The following KCNMA1 variants were observed in gnomAD, a reference collection of about 807,000 sequenced individuals.
KCNMA1 encodes Calcium-activated potassium channel subunit alpha-1.
Under a neutral mutation model 140.0 loss-of-function variants are expected in KCNMA1, and 29 were observed. The ratio of observed to expected loss-of-function variants is 0.21; its 90% CI spans 0.15 to 0.28. The LOEUF (loss-of-function observed/expected upper bound fraction) is 0.28. KCNMA1 is among the 10% of genes least tolerant of loss of function. The pLI, the probability that KCNMA1 is intolerant of heterozygous loss-of-function variation, is 1.00. For synonymous variants in KCNMA1, 612 were observed against 611.9 expected, an observed-to-expected ratio of 1.00 and a Z score of 0.00; for missense variants, 880 against 1,602.2, an observed-to-expected ratio of 0.55 and a Z score of 7.70.
intron 1 of KCNMA1, among the ~76,000 whole-genome samples, chr10:77,474,534 A>G (rs1283682694): frequency 6.6e-6 from 1 of 152,186 alleles, no homozygotes; most frequent in Non-Finnish European, 1.5e-5. Flanking sequence ...GTGAGAAGGT[A>G]ACTGTCGGTT....
chr10:76,930,623 A>G (rs2059023054), intron 23 of KCNMA1, among the ~76,000 whole-genome samples: 1 of 152,194 alleles, frequency 6.6e-6, no homozygotes. Context: ...ACTTCTGGGT[A>G]TATATCCAAC....
At chr10:77,005,075 A>G (rs947168385) in intron 18 of KCNMA1, among the ~76,000 whole-genome samples, 1 of 152,204 alleles carries the variant, frequency 6.6e-6, no homozygotes, top group Non-Finnish European at 1.5e-5. Flanking sequence ...CAATTCTCAG[A>G]CAAGGTTTTC....
chr10:77,547,924 T>C (rs1159837901), intron 1 of KCNMA1, among the ~76,000 whole-genome samples: 1 of 152,120 alleles, frequency 6.6e-6, no homozygotes, highest in Non-Finnish European at 1.5e-5. Flanking sequence ...GCTGATTTCA[T>C]GCTACAAAGG....
intron 3 of KCNMA1, chr10:77,217,696 A>T (rs1336695132): frequency 2.9e-6 from 1 of 342,992 alleles, no homozygotes; most frequent in African/African-American, 2.1e-5. Flanking sequence ...CTTGAAAATT[A>T]TGTGTAGATC....
At chr10:77,571,603 C>G (rs2071363093) in intron 1 of KCNMA1, among the ~76,000 whole-genome samples, 1 of 152,346 alleles carries the variant, frequency 6.6e-6, no homozygotes, top group Admixed American at 6.5e-5. Flanking sequence ...GCTGGACCAC[C>G]TGTCTGTCCC....
Position 77,625,658 on chromosome 10 carries a change from T to C in KCNMA1, c.378+11607A>G, listed in dbSNP as rs11002223. On this transcript the variant is annotated intron_variant, in intron 1 of 27. Transcript: ENST00000286628. The stretch of plus-strand genomic sequence containing the variant: ...GGCTGATGTCCTCGATGTTCATCTA[T>C]GTGGTAGCACGTGTCAGACTTGCCT... 1.7e-3 allele frequency among the ~76,000 whole-genome samples: 256 copies of C among 152,338 alleles called. 7 individuals are homozygous for C. The East Asian group carries it at 0.038, about 23-fold the overall frequency.
chr10:77,038,566 T>C (rs180928511), intron 15 of KCNMA1, among the ~76,000 whole-genome samples: 76 of 152,204 alleles, frequency 5.0e-4, no homozygotes, highest in Middle Eastern at 6.8e-3. Flanking sequence ...ATTTTAGAGA[T>C]ACAATCACTG....
chr10:77,084,605 C>T, intron 12 of KCNMA1, 32 bp downstream of exon 12: 1 of 1,568,670 alleles, frequency 6.4e-7, no homozygotes, highest in Non-Finnish European at 8.8e-7. Context: ...GACTGCCAAG[C>T]CCAGGGCCTT....
intron 27 of KCNMA1, among the ~76,000 whole-genome samples, chr10:76,888,645 T>A (rs942951686): frequency 6.6e-6 from 1 of 152,194 alleles, no homozygotes; most frequent in Non-Finnish European, 1.5e-5. Context: ...ACATCTAAAC[T>A]GTTATTTCTC....
chr10:77,548,350 C>T (rs2061939798), intron 1 of KCNMA1, among the ~76,000 whole-genome samples: 1 of 152,204 alleles, frequency 6.6e-6, no homozygotes, highest in South Asian at 2.1e-4. Context: ...ACGTGGACAA[C>T]GCCTGGTGCA....
intron 14 of KCNMA1, among the ~76,000 whole-genome samples, chr10:77,042,818 T>A (rs1013756350): frequency 2.0e-5 from 3 of 152,232 alleles, no homozygotes; most frequent in Admixed American, 6.5e-5. Context: ...TATTCATGTT[T>A]GTTTTGAATT....
chr10:77,355,397 C>T (rs1409637196), intron 2 of KCNMA1, among the ~76,000 whole-genome samples: 1 of 152,192 alleles, frequency 6.6e-6, no homozygotes, highest in Non-Finnish European at 1.5e-5. Context: ...TCAATGTTCT[C>T]TGTTCCGTGG....
chr10:77,086,744 C>T (rs1424982024), intron 10 of KCNMA1, 151 bp from the exon 11 acceptor site: 3 of 686,830 alleles, frequency 4.4e-6, no homozygotes, highest in Non-Finnish European at 7.8e-6. Flanking sequence ...AAAAGACTCA[C>T]ACTCAAGAGA....
chr10:77,259,114 A>C (rs1340531347), intron 2 of KCNMA1, among the ~76,000 whole-genome samples: 3 of 152,196 alleles, frequency 2.0e-5, no homozygotes, highest in Non-Finnish European at 4.4e-5. Flanking sequence ...ATCACATTTG[A>C]CTTATGGAAG....
chr10:76,886,840 AAACAAC>A lies in KCNMA1; in HGVS notation c.*420_*425del. ...TGTGTATAAAAAAAGAAAGAAAGGA[AAACAAC>A]AACAACAACAAAATCAAAACCCAAA... On this transcript the variant is annotated 3_prime_UTR_variant, in exon 28 of 28. Transcript: ENST00000286628. The A allele has an allele frequency of 1.9e-6, 2 of 1,077,194 alleles. No individual in the cohort carries two copies. The highest frequency in any genetic ancestry group is 2.3e-6 in the Non-Finnish European group (2 of 885,174). 66.7% of individuals were successfully genotyped at this position (1,077,194 alleles called of 1,614,324 possible).
At position 77,214,121 on chromosome 10, in the gene KCNMA1, A is replaced by G. The variant is rs569625914; in HGVS notation, c.603-29205T>C. 1.5e-3 allele frequency among the ~76,000 whole-genome samples: 228 copies of G among 152,232 alleles called. 1 individual carries two copies. Among genetic ancestry groups the G allele is most frequent in the African/African-American group, 5.3e-3 (220 of 41,536 alleles). Reference sequence around the variant, plus strand: ...TGAAAGTTCCTGAATAAAACCACACAAGGGAAATGACTGGTTTCGCTTTAA... The same window carrying G: ...TGAAAGTTCCTGAATAAAACCACACGAGGGAAATGACTGGTTTCGCTTTAA... On this transcript the variant is annotated intron_variant, in intron 3 of 27. Transcript: ENST00000286628.
At chr10:77,221,083 G>A (rs528811872) in intron 3 of KCNMA1, among the ~76,000 whole-genome samples, 31 of 152,322 alleles carry the variant, frequency 2.0e-4, no homozygotes, top group African/African-American at 6.7e-4. Flanking sequence ...TGAATGGTGC[G>A]TTAGCCAAGT....
chr10:76,981,372 C>T (rs143238338), intron 19 of KCNMA1, among the ~76,000 whole-genome samples: 54 of 152,236 alleles, frequency 3.5e-4, no homozygotes, highest in African/African-American at 1.2e-3. Flanking sequence ...AACGTTTAAA[C>T]GGACCTCAAT....
At chr10:76,971,810 T>C (rs2076159577) in intron 19 of KCNMA1, among the ~76,000 whole-genome samples, 1 of 152,162 alleles carries the variant, frequency 6.6e-6, no homozygotes, top group African/African-American at 2.4e-5. Context: ...AGGAAATAAA[T>C]ACAAGCCACA....
Sources: gnomAD v4.1 joint callset for allele counts (sites outside exome capture counted in the v4.1 genomes callset) on GRCh38, gnomAD v4.1.1 for gene constraint, MANE v1.5 for transcripts, NCBI Gene and HGNC (gene_info 2026-07-23, HGNC 2026-07-21) for gene names.